Variants in LHFPL3 observed in about 807,000 individuals in gnomAD.
LHFPL3 encodes LHFPL tetraspan subfamily member 3.
LHFPL3 carries 5 observed loss-of-function variants against 19.3 expected under a neutral mutation model. The ratio of observed to expected loss-of-function variants is 0.26; its 90% CI spans 0.14 to 0.54. The LOEUF (loss-of-function observed/expected upper bound fraction) is 0.54, where lower values mean the gene tolerates loss of function less well. LHFPL3 is among the 20% of genes least tolerant of loss of function. The pLI is 0.94. For synonymous variants in LHFPL3, 133 were observed against 126.2 expected (o/e 1.05, Z -0.36); for missense variants, 249 against 307.4 (o/e 0.81, Z 1.42).
At chr7:104,731,399 T>C (rs1325616512) in intron 1 of LHFPL3, among the ~76,000 whole-genome samples, 2 of 152,236 alleles carry the variant, frequency 1.3e-5, no homozygotes, top group African/African-American at 4.8e-5. Context: ...TTAATTTCAC[T>C]GAGCAGTGGT....
intron 1 of LHFPL3, among the ~76,000 whole-genome samples, chr7:104,401,364 A>G (rs550850456): frequency 1.1e-4 from 16 of 152,348 alleles, no homozygotes; most frequent in South Asian, 8.3e-4. Context: ...TCCATAATCA[A>G]CAGATGAAAT....
chr7:104,453,812 C>T (rs535425530), intron 1 of LHFPL3, among the ~76,000 whole-genome samples: 1 of 152,070 alleles, frequency 6.6e-6, no homozygotes, highest in African/African-American at 2.4e-5. Flanking sequence ...GCTGCCTCCC[C>T]CCTGCCCCAC....
intron 2 of LHFPL3, among the ~76,000 whole-genome samples, chr7:104,786,287 T>C (rs1789912672): frequency 6.6e-6 from 1 of 152,168 alleles, no homozygotes; most frequent in Non-Finnish European, 1.5e-5. Flanking sequence ...TCTGTGGCAA[T>C]ATTTAGAATT....
chr7:104,681,970 C>T (rs1792712850), intron 1 of LHFPL3, among the ~76,000 whole-genome samples: 1 of 152,052 alleles, frequency 6.6e-6, no homozygotes, highest in African/African-American at 2.4e-5. Flanking sequence ...ATACTGTGTA[C>T]AAATAACCGA....
intron 1 of LHFPL3, among the ~76,000 whole-genome samples, chr7:104,677,878 C>T (rs1476376773): frequency 3.9e-5 from 6 of 152,176 alleles, no homozygotes; most frequent in African/African-American, 1.4e-4. Context: ...CATGGGGAAA[C>T]TGAGTTTTAA....
At chr7:104,352,236 T>C (rs931289985) in intron 1 of LHFPL3, among the ~76,000 whole-genome samples, 10 of 151,768 alleles carry the variant, frequency 6.6e-5, no homozygotes, top group African/African-American at 2.2e-4. Context: ...ATGAATAATA[T>C]ATGTAAATTA....
intron 1 of LHFPL3, among the ~76,000 whole-genome samples, chr7:104,452,339 T>A (rs919114783): frequency 9.9e-5 from 15 of 152,234 alleles, no homozygotes; most frequent in African/African-American, 3.6e-4. Flanking sequence ...GACATTTAAG[T>A]TGTTTACACT....
At chr7:104,610,504 A>G (rs1791192569) in intron 1 of LHFPL3, among the ~76,000 whole-genome samples, 1 of 152,152 alleles carries the variant, frequency 6.6e-6, no homozygotes, top group Non-Finnish European at 1.5e-5. Flanking sequence ...ACTGGAGCCC[A>G]AGAGAGATGG....
intron 1 of LHFPL3, among the ~76,000 whole-genome samples, chr7:104,585,480 A>AACACACAAACACACACACACACACAC (rs368941359): frequency 8.1e-6 from 1 of 123,362 alleles, no homozygotes; most frequent in East Asian, 2.4e-4. Flanking sequence ...AACACACACA[A>AACACACAAACACACACACACACACAC]ACACACACAC....
intron 1 of LHFPL3, among the ~76,000 whole-genome samples, chr7:104,428,518 G>C (rs1029094411): frequency 7.9e-5 from 12 of 151,974 alleles, no homozygotes. Flanking sequence ...AGCTGTCCTG[G>C]TTATATTTTC....
chr7:104,723,588 G>A lies in LHFPL3; in HGVS notation c.446-13087G>A, dbSNP rs181716346. Among the ~76,000 whole-genome samples, 215 of 151,786 alleles carry A rather than the reference G, an allele frequency of 1.4e-3. 2 individuals are homozygous for A. The highest frequency in any genetic ancestry group is 4.8e-3 in the African/African-American group (198 of 41,390). ...AATACAAAAATTAGTTGGGTGTGGCGGTGGGCACCTATAATCCCAGCTACT... is the reference window on the plus strand; with the variant it reads ...AATACAAAAATTAGTTGGGTGTGGCAGTGGGCACCTATAATCCCAGCTACT... On this transcript the variant is annotated intron_variant, in intron 1 of 2. Coordinates refer to ENST00000424859, the MANE Select transcript of LHFPL3 (RefSeq NM_199000.3).
chr7:104,567,421 G>T (rs1790145036), intron 1 of LHFPL3, among the ~76,000 whole-genome samples: 1 of 152,154 alleles, frequency 6.6e-6, no homozygotes, highest in African/African-American at 2.4e-5. Flanking sequence ...TGTTTAGGGT[G>T]ATATGGACTT....
intron 1 of LHFPL3, among the ~76,000 whole-genome samples, chr7:104,332,421 A>T: frequency 6.6e-6 from 1 of 151,342 alleles, no homozygotes; most frequent in Admixed American, 6.6e-5. Flanking sequence ...AATAGAGACA[A>T]GGTTTCACCA....
chr7:104,475,079 C>T (rs1382769296), intron 1 of LHFPL3, among the ~76,000 whole-genome samples: 2 of 152,304 alleles, frequency 1.3e-5, no homozygotes, highest in South Asian at 2.1e-4. Flanking sequence ...AGTTTAACAG[C>T]GTTCTTTTCT....
chr7:104,611,335 G>T (rs1035138838), intron 1 of LHFPL3, among the ~76,000 whole-genome samples: 1 of 152,230 alleles, frequency 6.6e-6, no homozygotes, highest in African/African-American at 2.4e-5. Context: ...ATATTGGTCA[G>T]TTCCACAGCT....
At chr7:104,334,960 G>A (rs1263905318) in intron 1 of LHFPL3, among the ~76,000 whole-genome samples, 1 of 152,090 alleles carries the variant, frequency 6.6e-6, no homozygotes. Flanking sequence ...ATAAAGACAG[G>A]AAAAGACTTT....
chr7:104,386,667 A>G (rs1018273832), intron 1 of LHFPL3, among the ~76,000 whole-genome samples: 2 of 152,226 alleles, frequency 1.3e-5, no homozygotes, highest in Non-Finnish European at 2.9e-5. Context: ...GAACATTGCA[A>G]ATGTGCCCTG....
chr7:104,690,972 C>T (rs1175685072), intron 1 of LHFPL3, among the ~76,000 whole-genome samples: 1 of 152,190 alleles, frequency 6.6e-6, no homozygotes, highest in Non-Finnish European at 1.5e-5. Context: ...TTGGAAGGCC[C>T]CCATAGATGA....
chr7:104,351,920 CA>C (rs1376759461), intron 1 of LHFPL3, among the ~76,000 whole-genome samples: 2 of 152,096 alleles, frequency 1.3e-5, no homozygotes, highest in African/African-American at 4.8e-5. Flanking sequence ...ACAACTAGGC[CA>C]GGGGCAGTGG....
Sources: gnomAD v4.1 joint callset for allele counts (sites outside exome capture counted in the v4.1 genomes callset) on GRCh38, gnomAD v4.1.1 for gene constraint, MANE v1.5 for transcripts, NCBI Gene and HGNC (gene_info 2026-07-23, HGNC 2026-07-21) for gene names.